Variants in SV2B observed in about 807,000 individuals in gnomAD.
The protein encoded by SV2B is solute carrier family 22 member B2.
A neutral mutation model predicts 73.9 loss-of-function variants in SV2B; 41 were observed. That is an observed-to-expected ratio of 0.56 (90% CI 0.43 to 0.72). The LOEUF (loss-of-function observed/expected upper bound fraction) is 0.72. Among genes scored for constraint, SV2B ranks in the 30% least tolerant of loss-of-function variants. The pLI, the probability that SV2B is intolerant of heterozygous loss-of-function variation, is 0.00. For synonymous variants in SV2B, 314 were observed against 314.2 expected, an observed-to-expected ratio of 1.00 and a Z score of 0.01; for missense variants, 764 against 857.8, an observed-to-expected ratio of 0.89 and a Z score of 1.37.
chr15:91,210,410 A>G lies in SV2B; in HGVS notation c.-391-15463A>G, dbSNP rs949789286. Among the ~76,000 whole-genome samples the G allele has an allele frequency of 2.6e-5, 4 of 152,018 alleles. No homozygotes were observed. The South Asian group carries it at 8.3e-4, about 32-fold the overall frequency. ...TGGCAGGCAATCCTAGAGGACAGGG[A>G]ATTTCCACGGCTGGGTTATTGCAAG... On this transcript the variant is annotated intron_variant, in intron 1 of 12. Transcript: ENST00000394232.
intron 11 of SV2B, among the ~76,000 whole-genome samples, chr15:91,287,605 G>T (rs570139100): frequency 9.9e-4 from 150 of 152,258 alleles, no homozygotes; most frequent in African/African-American, 3.5e-3. Flanking sequence ...GGGCTGTGCT[G>T]CTCATTTTCT....
At chr15:91,142,331 C>A (rs559080800) in intron 1 of SV2B, among the ~76,000 whole-genome samples, 42 of 152,288 alleles carry the variant, frequency 2.8e-4, no homozygotes, top group African/African-American at 9.9e-4. Context: ...GTGTCTGCTG[C>A]CCCAAGTGGC....
Position 91,292,550 on chromosome 15 carries a change from T to A in SV2B, c.2050T>A (p.Ter684ArgextTer42). Residue 684 changes from the stop codon to arginine (R), a stop_lost, in exon 13 of 13, where the codon TGA becomes AGA. Transcript: ENST00000394232. ...LPETREQVLM* is the reference protein window; with the variant it reads ...LPETREQVLMR ...AGAGACTCGAGAACAGGTCCTGATG[T>A]GAACAACCTATGGGAAAAGGAAAGG... 1 of 1,610,880 alleles carries A rather than the reference T, an allele frequency of 6.2e-7. No homozygotes were observed. Among genetic ancestry groups the A allele is most frequent in the Non-Finnish European group, 8.5e-7 (1 of 1,178,778 alleles).
chr15:91,274,713 C>T (rs79366199), intron 9 of SV2B, among the ~76,000 whole-genome samples: 4,005 of 152,118 alleles, frequency 0.026, 101 homozygotes, highest in East Asian at 0.094. Flanking sequence ...GTCAAAATAC[C>T]GTTAAATATT....
At position 91,269,124 on chromosome 15, in the gene SV2B, G is replaced by T. The variant is rs139603466; in HGVS notation, c.1373+519G>T. 2.1e-3 allele frequency among the ~76,000 whole-genome samples: 326 copies of T among 151,962 alleles called. 1 individual carries two copies. The highest frequency in any genetic ancestry group is 7.4e-3 in the African/African-American group (306 of 41,434). On this transcript the variant is annotated intron_variant, in intron 9 of 12. Coordinates refer to ENST00000394232, the MANE Select transcript of SV2B (RefSeq NM_001323032.3). ...TTTTTAGAGGAAAAAAAAAAAATCA[G>T]TGGAGGATTAGAAAAGTCCTGTTCA...
rs369952958 is a variant in SV2B, at chr15:91,209,702, G to A, written c.-391-16171G>A. 2.0e-5 allele frequency among the ~76,000 whole-genome samples: 3 copies of A among 152,278 alleles called. No homozygotes were observed. The South Asian group carries it at 6.2e-4, about 32-fold the overall frequency. On this transcript the variant is annotated intron_variant, in intron 1 of 12. Transcript: ENST00000394232. ...CTCTGCCTCTCTCCAGGGGTATGAC[G>A]TTGGGCAAATCTCTTGGCCTTTCTC... is the stretch of plus-strand genomic sequence containing the variant.
At chr15:91,244,975 T>C (rs79863589) in intron 2 of SV2B, among the ~76,000 whole-genome samples, 2,998 of 152,332 alleles carry the variant, frequency 0.02, 37 homozygotes, top group Middle Eastern at 0.048. Flanking sequence ...TTTCTACATA[T>C]TCAAGCAAGA....
chr15:91,260,206 G>A, intron 5 of SV2B, 114 bp from the exon 6 acceptor site: 1 of 902,190 alleles, frequency 1.1e-6, no homozygotes, highest in Non-Finnish European at 1.7e-6. Flanking sequence ...CCTCAGACCT[G>A]CTAGGAATGC....
intron 1 of SV2B, chr15:91,102,218 T>A (rs560957953): frequency 1.3e-5 from 2 of 152,288 alleles, no homozygotes; most frequent in South Asian, 4.2e-4. Flanking sequence ...GTGTTATGTA[T>A]TTGCCAGAGA....
In SV2B at chr15:91,301,655, A is replaced by G. The variant is rs1318343393; in HGVS notation, c.*9103A>G. The stretch of plus-strand genomic sequence containing the variant: ...GGGGAAACTGGAACACAGGAAAGTC[A>G]CTTGTCAAAGGCCAAATAGCTACAG... On this transcript the variant is annotated 3_prime_UTR_variant, in exon 13 of 13. Coordinates refer to ENST00000394232, the MANE Select transcript of SV2B (RefSeq NM_001323032.3). This position sits in a 1 kb window ranked among gnomAD's most constrained non-coding sequence, Gnocchi z 4.3. 6.6e-6 allele frequency among the ~76,000 whole-genome samples: 1 copy of G among 152,210 alleles called. No individual in the cohort carries two copies. The highest frequency in any genetic ancestry group is 1.5e-5 in the Non-Finnish European group (1 of 68,038).
intron 1 of SV2B, among the ~76,000 whole-genome samples, chr15:91,148,366 G>A (rs2043209603): frequency 1.3e-5 from 2 of 152,066 alleles, no homozygotes; most frequent in South Asian, 4.1e-4. Context: ...ACCAAGATTG[G>A]GTCATATAGC....
chr15:91,103,942 T>C (rs2041808349), intron 1 of SV2B, among the ~76,000 whole-genome samples: 1 of 152,228 alleles, frequency 6.6e-6, no homozygotes, highest in Admixed American at 6.5e-5. Context: ...TTGCAGTGGT[T>C]GAGACACTGT....
At chr15:91,291,217 C>G (rs1314257216) in intron 12 of SV2B, among the ~76,000 whole-genome samples, 3 of 150,658 alleles carry the variant, frequency 2.0e-5, no homozygotes, top group Non-Finnish European at 4.4e-5. Flanking sequence ...ATAATTCATT[C>G]AAAATTCAAC....
chr15:91,133,089 A>C (rs1019881826), intron 1 of SV2B, among the ~76,000 whole-genome samples: 9 of 152,228 alleles, frequency 5.9e-5, no homozygotes, highest in Non-Finnish European at 1.0e-4. Context: ...GGAGAAACTG[A>C]GGATCATAGA....
intron 2 of SV2B, among the ~76,000 whole-genome samples, chr15:91,230,244 T>TAA (rs199512896): frequency 3.9e-5 from 5 of 129,840 alleles, no homozygotes; most frequent in African/African-American, 1.1e-4. Context: ...TTGTCTCATT[T>TAA]AAAAAAAAAA....
chr15:91,167,435 A>G (rs72764756), intron 1 of SV2B, among the ~76,000 whole-genome samples: 9,883 of 152,250 alleles, frequency 0.065, 416 homozygotes, highest in Non-Finnish European at 0.089. Context: ...GCAGGCCTGC[A>G]TGTCTTCTGG....
At position 91,140,153 on chromosome 15, in the gene SV2B, C is replaced by T. The variant is rs2042957695; in HGVS notation, c.-392+39790C>T. On this transcript the variant is annotated intron_variant, in intron 1 of 12. Coordinates refer to ENST00000394232, the MANE Select transcript of SV2B (RefSeq NM_001323032.3). The surrounding 1 kb of genome is among the most constrained non-coding windows in gnomAD (Gnocchi z 4.4). ...TTTGAGAACCACTGGTGTAGGCAAA[C>T]ATTTCTGAGCTGTTGTCCATCCAGC... 6.6e-6 allele frequency among the ~76,000 whole-genome samples: 1 copy of T among 152,196 alleles called. No individual in the cohort carries two copies. Among genetic ancestry groups the T allele is most frequent in the Non-Finnish European group, 1.5e-5 (1 of 68,042 alleles).
At chr15:91,190,928 AT>A (rs2044986520) in intron 1 of SV2B, among the ~76,000 whole-genome samples, 1 of 151,934 alleles carries the variant, frequency 6.6e-6, no homozygotes, top group Admixed American at 6.6e-5. Context: ...GATTTTGTTC[AT>A]GATCATTATA....
rs1219982671 is a variant in SV2B, at chr15:91,296,286, C to A, written c.*3734C>A. ...CTTTTCTAGGGGGCATCTGTGCTAACTGACCTGGGATTATGTTGGATGGCA... is the reference window on the plus strand; with the variant it reads ...CTTTTCTAGGGGGCATCTGTGCTAAATGACCTGGGATTATGTTGGATGGCA... On this transcript the variant is annotated 3_prime_UTR_variant, in exon 13 of 13. Transcript: ENST00000394232. The A allele has an allele frequency of 6.6e-6, 1 of 152,248 alleles. No homozygotes were observed. The highest frequency in any genetic ancestry group is 2.4e-5 in the African/African-American group (1 of 41,458). The allele number at this position is 152,248 out of a possible 1,614,324, so 9.4% of individuals were successfully genotyped here.
Sources: allele counts gnomAD v4.1 joint callset (sites outside exome capture counted in the v4.1 genomes callset), GRCh38; gene constraint gnomAD v4.1.1; non-coding constraint Gnocchi (gnomAD v3.1); transcripts MANE v1.5; gene names NCBI Gene and HGNC (gene_info 2026-07-23, HGNC 2026-07-21).